MEIS1: variants seen among roughly 807,000 people sequenced by gnomAD.
The protein encoded by MEIS1 is homeobox protein Meis1.
Under a neutral mutation model 50.8 loss-of-function variants are expected in MEIS1, and 5 were observed. The observed-to-expected ratio is 0.10, with a 90% CI of 0.05 to 0.21. MEIS1 has a LOEUF of 0.21. Ranked by LOEUF, MEIS1 falls within the 10% of genes least tolerant of loss-of-function variation. The probability of loss-of-function intolerance (pLI) is 1.00; values close to 1 mark genes in which losing one functional copy is unlikely to be tolerated. For missense variants in MEIS1, 318 were observed against 517.3 expected, an observed-to-expected ratio of 0.61 and a Z score of 3.74; for synonymous variants, 176 against 179.3, an observed-to-expected ratio of 0.98 and a Z score of 0.15.
At chr2:66,497,343 G>A (rs995399841) in intron 7 of MEIS1, among the ~76,000 whole-genome samples, 2 of 152,104 alleles carry the variant, frequency 1.3e-5, no homozygotes, top group Non-Finnish European at 2.9e-5. Flanking sequence ...AGGATTAAAT[G>A]AGATACTTCA....
chr2:66,542,874 A>G (rs1674688899), intron 8 of MEIS1, among the ~76,000 whole-genome samples: 1 of 152,168 alleles, frequency 6.6e-6, no homozygotes, highest in African/African-American at 2.4e-5. Context: ...ATTTTGATGA[A>G]AGAAGTACAT....
intron 10 of MEIS1, 172 bp from the exon 11 acceptor site, chr2:66,568,495 A>G (rs1675405156): frequency 5.7e-6 from 3 of 525,822 alleles, no homozygotes; most frequent in East Asian, 3.4e-5. Flanking sequence ...ACTCAGTCAC[A>G]GAGGTGTGTA....
At chr2:66,458,633 G>A (rs920432743) in intron 6 of MEIS1, among the ~76,000 whole-genome samples, 1 of 152,158 alleles carries the variant, frequency 6.6e-6, no homozygotes, top group African/African-American at 2.4e-5. Context: ...GGACATTAAG[G>A]TTTCAAGAGG....
intron 10 of MEIS1, chr2:66,568,422 C>G (rs1378073342): frequency 2.5e-6 from 1 of 396,434 alleles, no homozygotes; most frequent in African/African-American, 2.1e-5. Flanking sequence ...GGTCACCAGA[C>G]AAAACCCAAG....
intron 6 of MEIS1, among the ~76,000 whole-genome samples, chr2:66,458,745 A>G (rs547130654): frequency 3.3e-5 from 5 of 152,262 alleles, no homozygotes; most frequent in Admixed American, 3.3e-4. Context: ...CTGAGTATTA[A>G]TCTATTTTTA....
At chr2:66,470,992 G>A (rs1672749492) in intron 7 of MEIS1, among the ~76,000 whole-genome samples, 1 of 152,172 alleles carries the variant, frequency 6.6e-6, no homozygotes, top group South Asian at 2.1e-4. Context: ...AGGCATTGAT[G>A]TGAAAATGAG....
intron 6 of MEIS1, 178 bp downstream of exon 6, chr2:66,443,226 C>A: frequency 3.1e-6 from 2 of 649,638 alleles, no homozygotes; most frequent in Non-Finnish European, 4.8e-6. Context: ...TTAAGGCTGG[C>A]TCTGGGATTC....
At chr2:66,457,340 G>A (rs949099962) in intron 6 of MEIS1, among the ~76,000 whole-genome samples, 1 of 151,892 alleles carries the variant, frequency 6.6e-6, no homozygotes, top group African/African-American at 2.4e-5. Context: ...GCTATGTTTT[G>A]GTTATCAAGC....
chr2:66,472,441 A>C (rs1480249201), intron 7 of MEIS1, among the ~76,000 whole-genome samples: 1 of 152,228 alleles, frequency 6.6e-6, no homozygotes, highest in Non-Finnish European at 1.5e-5. Context: ...AAAATAGATT[A>C]AGCACTTACT....
intron 7 of MEIS1, among the ~76,000 whole-genome samples, chr2:66,466,815 G>A (rs541419613): frequency 6.6e-6 from 1 of 152,062 alleles, no homozygotes; most frequent in Non-Finnish European, 1.5e-5. Context: ...CATATCCAAA[G>A]AGGTGTTTCC....
At chr2:66,544,478 G>A (rs1452689902) in intron 8 of MEIS1, among the ~76,000 whole-genome samples, 1 of 152,106 alleles carries the variant, frequency 6.6e-6, no homozygotes. Flanking sequence ...TTGAAAGTTT[G>A]TGGGACACTA....
intron 8 of MEIS1, among the ~76,000 whole-genome samples, chr2:66,514,930 C>G (rs1396511471): frequency 6.6e-6 from 1 of 152,068 alleles, no homozygotes; most frequent in African/African-American, 2.4e-5. Context: ...ATTTTAAAAA[C>G]CTATAGAATC....
At chr2:66,544,382 T>C (rs1256673210) in intron 8 of MEIS1, among the ~76,000 whole-genome samples, 1 of 152,184 alleles carries the variant, frequency 6.6e-6, no homozygotes, top group Non-Finnish European at 1.5e-5. Flanking sequence ...GCCTACTTCT[T>C]TGTGAATTTT....
At chr2:66,503,829 C>T (rs1673621787) in intron 7 of MEIS1, among the ~76,000 whole-genome samples, 1 of 143,944 alleles carries the variant, frequency 6.9e-6, no homozygotes, top group Admixed American at 7.3e-5. Flanking sequence ...ACTGCAAGCT[C>T]TGCCTCCCGG....
At chr2:66,445,071 C>T (rs1287867901) in intron 6 of MEIS1, 1 of 152,218 alleles carries the variant, frequency 6.6e-6, no homozygotes, top group African/African-American at 2.4e-5. Flanking sequence ...ACCCAATTCC[C>T]TTCAGATATG....
chr2:66,518,639 A>C (rs72822898), intron 8 of MEIS1, among the ~76,000 whole-genome samples: 6,485 of 152,320 alleles, frequency 0.043, 236 homozygotes, highest in South Asian at 0.17. Flanking sequence ...TAAAATATCA[A>C]ACTTGGTCAC....
intron 7 of MEIS1, among the ~76,000 whole-genome samples, chr2:66,498,733 C>A (rs1673472835): frequency 1.3e-5 from 2 of 152,140 alleles, no homozygotes; most frequent in Non-Finnish European, 2.9e-5. Flanking sequence ...CATGTGCACC[C>A]AGCACACTTT....
intron 5 of MEIS1, among the ~76,000 whole-genome samples, chr2:66,442,270 TAAAAAAAAAAAA>T (rs11292294): frequency 1.7e-5 from 2 of 114,566 alleles, no homozygotes; most frequent in African/African-American, 6.2e-5. Context: ...CTCCTTTTTG[TAAAAAAAAAAAA>T]AAAAAAAAAA....
In MEIS1 at chr2:66,555,699, C is replaced by T. The variant is rs1014026796; in HGVS notation, c.965+7680C>T. Reference sequence around the variant, plus strand: ...CTGAGGCTGGTGTTGGGTGATTAACCGTTAAGCACGGAAGCGCAGTACCCA... The same window carrying T: ...CTGAGGCTGGTGTTGGGTGATTAACTGTTAAGCACGGAAGCGCAGTACCCA... On this transcript the variant is annotated intron_variant, in intron 9 of 12. Transcript: ENST00000272369. 1.1e-4 allele frequency among the ~76,000 whole-genome samples: 16 copies of T among 152,222 alleles called. No individual in the cohort carries two copies. In the East Asian group the frequency reaches 3.1e-3, roughly 30 times the overall value.
Sources: allele counts gnomAD v4.1 joint callset (sites outside exome capture counted in the v4.1 genomes callset), GRCh38; gene constraint gnomAD v4.1.1; transcripts MANE v1.5; gene names NCBI Gene and HGNC (gene_info 2026-07-23, HGNC 2026-07-21).